Variants in EVI5 observed in about 807,000 individuals in gnomAD.
EVI5 encodes the protein ecotropic viral integration site 5.
Under a neutral mutation model 112.0 loss-of-function variants are expected in EVI5, and 73 were observed. The observed-to-expected ratio is 0.65, with a 90% CI of 0.54 to 0.79. EVI5 has a LOEUF of 0.79. EVI5 is among the 30% of genes least tolerant of loss of function. The pLI is 0.00. For missense variants in EVI5, 900 were observed against 968.8 expected, an observed-to-expected ratio of 0.93 and a Z score of 0.94; for synonymous variants, 305 against 319.9, an observed-to-expected ratio of 0.95 and a Z score of 0.50.
At chr1:92,597,856 C>G (rs1333186555) in intron 18 of EVI5, among the ~76,000 whole-genome samples, 2 of 152,154 alleles carry the variant, frequency 1.3e-5, no homozygotes, top group East Asian at 3.8e-4. Flanking sequence ...CTCAGGAGTT[C>G]TAGATCAGCC....
intron 1 of EVI5, among the ~76,000 whole-genome samples, chr1:92,743,942 A>G (rs933276934): frequency 2.0e-5 from 3 of 152,182 alleles, no homozygotes; most frequent in African/African-American, 7.2e-5. Flanking sequence ...TAGAAGCTTA[A>G]TCACTGATTT....
intron 1 of EVI5, among the ~76,000 whole-genome samples, chr1:92,737,090 T>G (rs186780421): frequency 1.1e-3 from 173 of 152,276 alleles, no homozygotes; most frequent in African/African-American, 4.0e-3. Flanking sequence ...GGAAATCCTG[T>G]AACATGACTA....
intron 1 of EVI5, among the ~76,000 whole-genome samples, chr1:92,757,866 C>A (rs1681182872): frequency 7.4e-6 from 1 of 134,752 alleles, no homozygotes; most frequent in South Asian, 2.3e-4. Flanking sequence ...TGAGCCACTG[C>A]ACAATCCAGC....
rs370549992 is a variant in EVI5 at position 92,677,146 on chromosome 1, C to T, written c.1158+12G>A. 61 of 1,553,788 alleles carry T rather than the reference C, an allele frequency of 3.9e-5. 1 individual carries two copies. In the African/African-American group the frequency reaches 7.8e-4, roughly 20 times the overall value. ...AATCAATCAGTACTTTAAAAAGCCCCCAACTGCTTACTTTAATTTCAACTT... is the reference window on the plus strand; with the variant it reads ...AATCAATCAGTACTTTAAAAAGCCCTCAACTGCTTACTTTAATTTCAACTT... On this transcript the variant is annotated intron_variant, in intron 10 of 19. Transcript: ENST00000684568.
At chr1:92,576,750 C>A (rs1459121645) in intron 18 of EVI5, among the ~76,000 whole-genome samples, 3 of 152,128 alleles carry the variant, frequency 2.0e-5, no homozygotes, top group Non-Finnish European at 4.4e-5. Flanking sequence ...TATCGCTGGG[C>A]AAATACAAGA....
At chr1:92,643,724 A>G (rs1660425439) in intron 13 of EVI5, among the ~76,000 whole-genome samples, 1 of 152,250 alleles carries the variant, frequency 6.6e-6, no homozygotes, top group Non-Finnish European at 1.5e-5. Flanking sequence ...TTAGTTAAAA[A>G]TAAACTTTAC....
rs777890381 is a variant in EVI5 at position 92,733,056 on chromosome 1, T to TA, written c.149+3341dup. On this transcript the variant is annotated intron_variant, in intron 2 of 19. Coordinates refer to ENST00000684568, the MANE Select transcript of EVI5 (RefSeq NM_001350197.2). ...AGTGAGACCTCGTCTCCATTTTATTTAAAAAAAAAAAAGAAAAAAAAAATT... is the reference window on the plus strand; with the variant it reads ...AGTGAGACCTCGTCTCCATTTTATTTAAAAAAAAAAAAAGAAAAAAAAAATT... The TA allele has an allele frequency of 6.5e-3, 1,143 of 176,988 alleles. 2 individuals carry two copies. Among genetic ancestry groups the TA allele is most frequent in the South Asian group, 9.6e-3 (84 of 8,788 alleles). The allele number at this position is 176,988 out of a possible 1,614,324, so 11.0% of individuals were successfully genotyped here.
Position 92,782,145 on chromosome 1 carries a change from G to GCTA in EVI5, c.-82+2688_-82+2690dup, listed in dbSNP as rs373643094. ...ATGGTGGCACACACCTATAGTCCCAGCTACTCAGTAGGCTGAGGCAGGAGA... is the reference window on the plus strand; with the variant it reads ...ATGGTGGCACACACCTATAGTCCCAGCTACTACTCAGTAGGCTGAGGCAGGAGA... On this transcript the variant is annotated intron_variant, in intron 1 of 19. Coordinates refer to ENST00000684568, the MANE Select transcript of EVI5 (RefSeq NM_001350197.2). Among the ~76,000 whole-genome samples, 163 of 151,792 alleles carry GCTA rather than the reference G, an allele frequency of 1.1e-3. 3 individuals are homozygous for GCTA. Among genetic ancestry groups the GCTA allele is most frequent in the African/African-American group, 3.8e-3 (156 of 41,348 alleles).
intron 2 of EVI5, among the ~76,000 whole-genome samples, chr1:92,712,050 C>T (rs1237222156): frequency 6.6e-6 from 1 of 152,172 alleles, no homozygotes; most frequent in Non-Finnish European, 1.5e-5. Context: ...GGATTACAGA[C>T]TCCCAAAGGC....
intron 19 of EVI5, among the ~76,000 whole-genome samples, chr1:92,551,040 CTT>C (rs55898086): frequency 0.11 from 9,062 of 79,774 alleles, 128 homozygotes; most frequent in Middle Eastern, 0.17. Flanking sequence ...TTCTTTCTTT[CTT>C]TTTTTTTTTT....
At chr1:92,540,961 C>T (rs1433316838) in intron 19 of EVI5, among the ~76,000 whole-genome samples, 2 of 152,144 alleles carry the variant, frequency 1.3e-5, no homozygotes, top group Non-Finnish European at 2.9e-5. Context: ...GTAATCCAAG[C>T]TACTTGGGAG....
At chr1:92,619,518 G>T (rs1654039613) in intron 16 of EVI5, among the ~76,000 whole-genome samples, 1 of 151,800 alleles carries the variant, frequency 6.6e-6, no homozygotes, top group Non-Finnish European at 1.5e-5. Context: ...ATCTGACAGA[G>T]AATTTAAAAT....
intron 11 of EVI5, among the ~76,000 whole-genome samples, chr1:92,663,805 C>G (rs1538029): frequency 0.92 from 140,277 of 152,240 alleles, 64,715 homozygotes; most frequent in East Asian, 0.97. Context: ...GCAATGGCAT[C>G]ATCATGTAGC....
intron 9 of EVI5, among the ~76,000 whole-genome samples, chr1:92,685,249 A>T (rs534232024): frequency 2.6e-5 from 4 of 152,286 alleles, no homozygotes; most frequent in Admixed American, 2.0e-4. Flanking sequence ...GGATTCAGAA[A>T]CTCACTCAAA....
rs564486739 is a variant in EVI5 at position 92,629,310 on chromosome 1, C to T, written c.1528-3376G>A. Among the ~76,000 whole-genome samples the T allele has an allele frequency of 2.0e-5, 3 of 152,268 alleles. No individual in the cohort carries two copies. In the East Asian group the frequency reaches 5.8e-4, roughly 29 times the overall value. ...TTCATTAAGAAAATAGTTAAAAACA[C>T]CTGAGACTGTTATGTCCATTATCTA... is the stretch of plus-strand genomic sequence containing the variant. On this transcript the variant is annotated intron_variant, in intron 14 of 19. Transcript: ENST00000684568.
Position 92,605,209 on chromosome 1 carries a change from G to A in EVI5, c.2070+98C>T, listed in dbSNP as rs951220427. The A allele has an allele frequency of 6.1e-6, 5 of 826,360 alleles. No homozygotes were observed. In the African/African-American group the frequency reaches 8.5e-5, roughly 14 times the overall value. The allele number at this position is 826,360 out of a possible 1,614,324, so 51.2% of individuals were successfully genotyped here. A position where few individuals can be genotyped will look rare whatever the true frequency, so the allele number is the denominator to read the frequency against. On this transcript the variant is annotated intron_variant, in intron 18 of 19. Transcript: ENST00000684568. ...TGGAAATGAATGATTACTGAAAAAAGAATCACAGTCACGAGGATAAAGAGT... is the reference window on the plus strand; with the variant it reads ...TGGAAATGAATGATTACTGAAAAAAAAATCACAGTCACGAGGATAAAGAGT...
At chr1:92,770,709 G>T (rs987249323) in intron 1 of EVI5, among the ~76,000 whole-genome samples, 1 of 151,724 alleles carries the variant, frequency 6.6e-6, no homozygotes, top group Admixed American at 6.6e-5. Flanking sequence ...AGAATGGTGT[G>T]AACCCGGGAG....
At chr1:92,714,467 C>T (rs1462233768) in intron 2 of EVI5, among the ~76,000 whole-genome samples, 2 of 152,070 alleles carry the variant, frequency 1.3e-5, no homozygotes, top group Non-Finnish European at 1.5e-5. Flanking sequence ...TATTACAAAC[C>T]ACAGAAGTAG....
intron 19 of EVI5, among the ~76,000 whole-genome samples, chr1:92,540,850 G>A (rs1664676753): frequency 6.6e-6 from 1 of 152,128 alleles, no homozygotes; most frequent in African/African-American, 2.4e-5. Flanking sequence ...GAGGCGGGAG[G>A]ATCACCTGAG....
Sources: allele counts gnomAD v4.1 joint callset (sites outside exome capture counted in the v4.1 genomes callset), GRCh38; gene constraint gnomAD v4.1.1; transcripts MANE v1.5; gene names NCBI Gene and HGNC (gene_info 2026-07-23, HGNC 2026-07-21).